The following GALNT11 variants were observed in gnomAD, a reference collection of about 807,000 sequenced individuals.
GALNT11 encodes polypeptide N-acetylgalactosaminyltransferase 11.
A neutral mutation model predicts 72.7 loss-of-function variants in GALNT11; 47 were observed. The observed-to-expected ratio is 0.65, with a 90% CI of 0.51 to 0.82. The LOEUF (loss-of-function observed/expected upper bound fraction) is 0.82, where lower values mean the gene tolerates loss of function less well. Ranked by LOEUF, GALNT11 falls within the 40% of genes least tolerant of loss-of-function variation. The pLI, the probability that GALNT11 is intolerant of heterozygous loss-of-function variation, is 0.00. For missense variants in GALNT11, 677 were observed against 778.4 expected, an observed-to-expected ratio of 0.87 and a Z score of 1.55; for synonymous variants, 270 against 286.6, an observed-to-expected ratio of 0.94 and a Z score of 0.58.
intron 1 of GALNT11, among the ~76,000 whole-genome samples, chr7:152,066,374 C>T (rs1024946692): frequency 3.2e-4 from 49 of 152,328 alleles, no homozygotes; most frequent in African/African-American, 1.1e-3. Context: ...TTCCCTGACC[C>T]CTTGCAGTTC....
intron 1 of GALNT11, among the ~76,000 whole-genome samples, chr7:152,044,031 G>C (rs181892935): frequency 6.6e-6 from 1 of 152,152 alleles, no homozygotes; most frequent in Non-Finnish European, 1.5e-5. Context: ...CGAGCCCCAC[G>C]TATGGGCATT....
At chr7:152,111,944 G>A (rs117258176) in intron 7 of GALNT11, among the ~76,000 whole-genome samples, 3 of 152,244 alleles carry the variant, frequency 2.0e-5, no homozygotes, top group East Asian at 1.9e-4. Flanking sequence ...TGTGTATACA[G>A]GCACCCCTGT....
chr7:152,121,827 CAGAGG>C lies in GALNT11; in HGVS notation c.*151_*155del. On this transcript the variant is annotated 3_prime_UTR_variant, in exon 12 of 12. Coordinates refer to ENST00000430044, the MANE Select transcript of GALNT11 (RefSeq NM_022087.4). ...TCCCGGAGATGCCTGGGTGTGTTAG[CAGAGG>C]TGACACGTGTCTGACAGAGACGGGA... 1 of 944,294 alleles carries C rather than the reference CAGAGG, an allele frequency of 1.1e-6. No homozygotes were observed. The highest frequency in any genetic ancestry group is 1.5e-6 in the Non-Finnish European group (1 of 649,862). 58.5% of individuals were successfully genotyped at this position (944,294 alleles called of 1,614,324 possible).
intron 11 of GALNT11, among the ~76,000 whole-genome samples, 166 bp from the exon 12 acceptor site, chr7:152,121,380 T>C (rs974249434): frequency 6.6e-6 from 1 of 152,220 alleles, no homozygotes; most frequent in African/African-American, 2.4e-5. Flanking sequence ...TCAGAAAATA[T>C]CTTATTGTAT....
chr7:152,083,394 C>T (rs868118226), intron 1 of GALNT11, among the ~76,000 whole-genome samples: 2 of 152,140 alleles, frequency 1.3e-5, no homozygotes, highest in African/African-American at 4.8e-5. Context: ...GTTCTGACAT[C>T]ATTTAGTTGA....
intron 1 of GALNT11, among the ~76,000 whole-genome samples, chr7:152,070,422 T>C (rs543990507): frequency 1.3e-4 from 20 of 152,178 alleles, no homozygotes; most frequent in Non-Finnish European, 2.4e-4. Flanking sequence ...CTGAAAAGCA[T>C]CTCAGGGGAC....
At chr7:152,043,112 G>T (rs1395786595) in intron 1 of GALNT11, among the ~76,000 whole-genome samples, 3 of 152,052 alleles carry the variant, frequency 2.0e-5, no homozygotes, top group African/African-American at 4.8e-5. Context: ...TCCACATACG[G>T]CACAATTAGG....
chr7:152,099,756 C>CTTTTTT (rs959548417), intron 2 of GALNT11, among the ~76,000 whole-genome samples: 3 of 88,724 alleles, frequency 3.4e-5, no homozygotes, highest in Admixed American at 1.3e-4. Context: ...AACTGTGAAG[C>CTTTTTT]TTTTTTTTTT....
chr7:152,033,130 T>G (rs1377074982), intron 1 of GALNT11, among the ~76,000 whole-genome samples: 2 of 152,194 alleles, frequency 1.3e-5, no homozygotes, highest in Non-Finnish European at 2.9e-5. Context: ...TGTTGGATCA[T>G]CTGGTTGGGG....
intron 1 of GALNT11, among the ~76,000 whole-genome samples, chr7:152,066,174 G>A (rs1272117071): frequency 2.0e-5 from 3 of 152,234 alleles, no homozygotes; most frequent in Non-Finnish European, 2.9e-5. Context: ...CTGCCTTGCA[G>A]TTCGATCTCA....
intron 1 of GALNT11, among the ~76,000 whole-genome samples, chr7:152,050,530 T>G (rs1286896670): frequency 3.3e-5 from 5 of 152,182 alleles, no homozygotes; most frequent in Admixed American, 1.3e-4. Context: ...TTCCGTCTCC[T>G]TTCCTCAAGT....
chr7:152,092,848 A>C (rs535582945), intron 1 of GALNT11, among the ~76,000 whole-genome samples: 5 of 152,292 alleles, frequency 3.3e-5, no homozygotes, highest in South Asian at 4.1e-4. Context: ...AAGTCTGTTT[A>C]CTGAGATGAT....
chr7:152,076,667 G>A (rs552699348), intron 1 of GALNT11, among the ~76,000 whole-genome samples: 6 of 152,220 alleles, frequency 3.9e-5, no homozygotes, highest in African/African-American at 9.6e-5. Flanking sequence ...TGCCCTGCAC[G>A]TGGGCAGATG....
Position 152,100,906 on chromosome 7 carries a change from A to G in GALNT11, c.404A>G (p.Asp135Gly), listed in dbSNP as rs1044763417. Residue 135 changes from aspartate to glycine, a missense_variant, in exon 3 of 12, where the codon GAC (aspartate) becomes GGC (glycine). Physicochemically the swap from Asp to Gly is moderately conservative, Grantham distance 94. Coordinates refer to ENST00000430044, the MANE Select transcript of GALNT11 (RefSeq NM_022087.4). The part of the protein sequence containing the change: ...DRLGYHRDVP[D>G]TRNAACKEKF... ...TTGGGCTACCACAGAGATGTGCCAG[A>G]CACAAGGAATGCAGCGTATGTGCCT... 6.2e-7 allele frequency: 1 copy of G among 1,613,968 alleles called. No individual in the cohort carries two copies. The highest frequency in any genetic ancestry group is 8.5e-7 in the Non-Finnish European group (1 of 1,179,936).
intron 5 of GALNT11, among the ~76,000 whole-genome samples, chr7:152,106,676 C>G (rs2087591380): frequency 6.6e-6 from 1 of 151,974 alleles, no homozygotes; most frequent in Non-Finnish European, 1.5e-5. Flanking sequence ...TGTGAACTGA[C>G]TTTTTTTTAG....
At chr7:152,110,394 G>A (rs1420528402) in intron 6 of GALNT11, 134 bp from the exon 7 acceptor site, 3 of 736,908 alleles carry the variant, frequency 4.1e-6, no homozygotes, top group Non-Finnish European at 7.1e-6. Flanking sequence ...CTCTGATACT[G>A]GATAAAATGA....
intron 1 of GALNT11, among the ~76,000 whole-genome samples, chr7:152,068,106 A>T (rs1342763507): frequency 6.6e-6 from 1 of 152,108 alleles, no homozygotes; most frequent in Non-Finnish European, 1.5e-5. Context: ...TGGATCATGT[A>T]TCTGCCTCTG....
chr7:152,096,268 GT>G (rs758144570), intron 2 of GALNT11, among the ~76,000 whole-genome samples: 1 of 152,134 alleles, frequency 6.6e-6, no homozygotes, highest in Non-Finnish European at 1.5e-5. Flanking sequence ...GAGGGAAAAG[GT>G]TATCCTAAAA....
intron 1 of GALNT11, among the ~76,000 whole-genome samples, chr7:152,061,450 T>C (rs1056307642): frequency 2.6e-5 from 4 of 152,206 alleles, no homozygotes; most frequent in Non-Finnish European, 4.4e-5. Flanking sequence ...TGGTAGTTTC[T>C]TTTGCTGTGC....
Sources: gnomAD v4.1 joint callset for allele counts (sites outside exome capture counted in the v4.1 genomes callset) on GRCh38, gnomAD v4.1.1 for gene constraint, MANE v1.5 for transcripts, NCBI Gene and HGNC (gene_info 2026-07-23, HGNC 2026-07-21) for gene names.